CDK6: variants seen among roughly 807,000 people sequenced by gnomAD.
CDK6 encodes cyclin dependent kinase 6, also known as cyclin-dependent kinase 6.
A neutral mutation model predicts 37.1 loss-of-function variants in CDK6; 6 were observed. The observed-to-expected ratio is 0.16, with a 90% CI of 0.09 to 0.32. The LOEUF is 0.32. Among genes scored for constraint, CDK6 ranks in the 10% least tolerant of loss-of-function variants. The probability of loss-of-function intolerance (pLI) is 1.00; values close to 1 mark genes in which losing one functional copy is unlikely to be tolerated. For missense variants in CDK6, 224 were observed against 418.9 expected (o/e 0.53, Z 4.06); for synonymous variants, 160 against 161.3 (o/e 0.99, Z 0.06).
intron 5 of CDK6, among the ~76,000 whole-genome samples, chr7:92,669,819 C>T (rs1026357703): frequency 3.3e-5 from 5 of 152,288 alleles, no homozygotes; most frequent in Non-Finnish European, 5.9e-5. Context: ...GTCATCCAAC[C>T]CAGGGGTTCT....
chr7:92,717,251 A>T (rs1214026270), intron 4 of CDK6, among the ~76,000 whole-genome samples: 1 of 151,758 alleles, frequency 6.6e-6, no homozygotes, highest in African/African-American at 2.4e-5. Context: ...CTGAGGCAGG[A>T]GGATGGCTTG....
At chr7:92,665,466 G>C (rs913455574) in intron 5 of CDK6, among the ~76,000 whole-genome samples, 4 of 152,148 alleles carry the variant, frequency 2.6e-5, no homozygotes, top group African/African-American at 9.7e-5. Flanking sequence ...CCATTTTGTA[G>C]AATACTTCTG....
intron 4 of CDK6, among the ~76,000 whole-genome samples, chr7:92,713,636 T>C (rs1188526260): frequency 6.7e-6 from 1 of 149,096 alleles, no homozygotes; most frequent in Non-Finnish European, 1.5e-5. Flanking sequence ...ACCAAGTCAA[T>C]TTGTTTTAAG....
chr7:92,737,604 T>C (rs1343787699), intron 3 of CDK6, among the ~76,000 whole-genome samples: 2 of 152,186 alleles, frequency 1.3e-5, no homozygotes, highest in African/African-American at 2.4e-5. Context: ...AATCAACATA[T>C]ATATTCTGAA....
At chr7:92,686,479 A>ATT (rs1223811247) in intron 4 of CDK6, among the ~76,000 whole-genome samples, 3 of 152,122 alleles carry the variant, frequency 2.0e-5, no homozygotes, top group Non-Finnish European at 4.4e-5. Flanking sequence ...GTAGTATTTC[A>ATT]TTATATATAT....
At chr7:92,625,187 C>T (rs775916233) in intron 5 of CDK6, among the ~76,000 whole-genome samples, 10 of 150,544 alleles carry the variant, frequency 6.6e-5, no homozygotes, top group Non-Finnish European at 1.5e-4. Flanking sequence ...GAATGCCCAG[C>T]TTATAGCAGA....
At chr7:92,746,595 A>G (rs148943906) in intron 3 of CDK6, among the ~76,000 whole-genome samples, 20 of 152,292 alleles carry the variant, frequency 1.3e-4, no homozygotes, top group African/African-American at 4.1e-4. Flanking sequence ...ATATATACAC[A>G]AATATTCCAA....
intron 4 of CDK6, among the ~76,000 whole-genome samples, chr7:92,708,575 T>C (rs1393884626): frequency 3.3e-5 from 5 of 152,154 alleles, no homozygotes; most frequent in Admixed American, 6.6e-5. Flanking sequence ...AATTAGAACA[T>C]AACCATGTCA....
chr7:92,709,329 T>C (rs1209907629), intron 4 of CDK6, among the ~76,000 whole-genome samples: 3 of 152,138 alleles, frequency 2.0e-5, no homozygotes, highest in African/African-American at 4.8e-5. Context: ...CATGAGCTGA[T>C]GTTTCTCAAC....
intron 4 of CDK6, among the ~76,000 whole-genome samples, chr7:92,703,509 T>C (rs1009722816): frequency 6.6e-6 from 1 of 152,234 alleles, no homozygotes; most frequent in Non-Finnish European, 1.5e-5. Flanking sequence ...CATTATAATA[T>C]GACCTATGGT....
chr7:92,655,390 A>C (rs1047312205), intron 5 of CDK6, among the ~76,000 whole-genome samples: 5 of 152,204 alleles, frequency 3.3e-5, no homozygotes, highest in African/African-American at 1.2e-4. Flanking sequence ...GAAAAAAATG[A>C]AACATGTCTA....
intron 2 of CDK6, among the ~76,000 whole-genome samples, chr7:92,787,248 A>T (rs1049534448): frequency 2.0e-4 from 31 of 151,748 alleles, no homozygotes; most frequent in Admixed American, 2.0e-4. Flanking sequence ...AGATTTTGGA[A>T]TGGTTGTTTT....
chr7:92,774,464 C>A (rs2115781919), intron 3 of CDK6, among the ~76,000 whole-genome samples: 1 of 151,486 alleles, frequency 6.6e-6, no homozygotes, highest in Non-Finnish European at 1.5e-5. Context: ...TTTTTTTTTC[C>A]ACTTAGTTCT....
chr7:92,738,118 G>A (rs564595288), intron 3 of CDK6, among the ~76,000 whole-genome samples: 4 of 152,248 alleles, frequency 2.6e-5, no homozygotes, highest in African/African-American at 9.6e-5. Context: ...GGTAGCCAAT[G>A]TATCTCCAGT....
rs1023107735 is a variant in CDK6, at chr7:92,606,346, G to A, written c.*8794C>T. 4.3e-6 allele frequency: 1 copy of A among 233,300 alleles called. No homozygotes were observed. The highest frequency in any genetic ancestry group is 2.2e-5 in the African/African-American group (1 of 45,484). The allele number at this position is 233,300 out of a possible 1,614,324, so 14.5% of individuals were successfully genotyped here. A position where few individuals can be genotyped will look rare whatever the true frequency, so the allele number is the denominator to read the frequency against. ...CCAGCATCAGGAACCATCTCTAGAT[G>A]AATGTGGCTAGGTCAAGTTGGGAGT... On this transcript the variant is annotated 3_prime_UTR_variant, in exon 8 of 8. Transcript: ENST00000424848.
At chr7:92,781,355 TA>T (rs1799987143) in intron 2 of CDK6, among the ~76,000 whole-genome samples, 1 of 152,246 alleles carries the variant, frequency 6.6e-6, no homozygotes, top group Non-Finnish European at 1.5e-5. Flanking sequence ...TGTAATTATC[TA>T]ATAACAAAAT....
chr7:92,606,362 A>C lies in CDK6; in HGVS notation c.*8778T>G. 1 of 233,208 alleles carries C rather than the reference A, an allele frequency of 4.3e-6. No homozygotes were observed. The highest frequency in any genetic ancestry group is 8.5e-6 in the Non-Finnish European group (1 of 118,082). 14.4% of individuals were successfully genotyped at this position (233,208 alleles called of 1,614,324 possible). On this transcript the variant is annotated 3_prime_UTR_variant, in exon 8 of 8. Coordinates refer to ENST00000424848, the MANE Select transcript of CDK6 (RefSeq NM_001145306.2). ...TCTCTAGATGAATGTGGCTAGGTCA[A>C]GTTGGGAGTGGTGGCCAGGCCTAGA...
intron 2 of CDK6, among the ~76,000 whole-genome samples, chr7:92,798,934 G>A (rs1236646582): frequency 6.6e-6 from 1 of 152,050 alleles, no homozygotes; most frequent in Non-Finnish European, 1.5e-5. Flanking sequence ...TCTTCAAGAC[G>A]AACCCTATTC....
intron 5 of CDK6, among the ~76,000 whole-genome samples, chr7:92,647,487 G>A (rs1796479018): frequency 6.6e-6 from 1 of 152,200 alleles, no homozygotes; most frequent in African/African-American, 2.4e-5. Context: ...AATCTCTGCA[G>A]GCAGTTTCTT....
Sources: gnomAD v4.1 joint callset for allele counts (sites outside exome capture counted in the v4.1 genomes callset) on GRCh38, gnomAD v4.1.1 for gene constraint, MANE v1.5 for transcripts, NCBI Gene and HGNC (gene_info 2026-07-23, HGNC 2026-07-21) for gene names.